The following DNTT variants were observed in gnomAD, a reference collection of about 807,000 sequenced individuals.
The protein encoded by DNTT is nucleosidetriphosphate:DNA deoxynucleotidylexotransferase.
A neutral mutation model predicts 60.9 loss-of-function variants in DNTT; 47 were observed. That is an observed-to-expected ratio of 0.77 (90% CI 0.61 to 0.98). The LOEUF is 0.98. Among genes scored for constraint, DNTT ranks in the 50% least tolerant of loss-of-function variants. The pLI is 0.00. For missense variants in DNTT, 665 were observed against 627.5 expected, an observed-to-expected ratio of 1.06 and a Z score of -0.64; for synonymous variants, 224 against 221.2, an observed-to-expected ratio of 1.01 and a Z score of -0.11.
chr10:96,309,122 C>T (rs1477462012), intron 1 of DNTT, among the ~76,000 whole-genome samples: 3 of 152,140 alleles, frequency 2.0e-5, no homozygotes, highest in Non-Finnish European at 2.9e-5. Flanking sequence ...TCTACCTAGC[C>T]GTTTAACACT....
intron 1 of DNTT, among the ~76,000 whole-genome samples, chr10:96,315,455 G>A (rs2133985951): frequency 6.6e-6 from 1 of 152,136 alleles, no homozygotes; most frequent in Admixed American, 6.5e-5. Context: ...TTTGCTAGTT[G>A]CTTATTGAAC....
intron 2 of DNTT, 24 bp from the exon 3 acceptor site, chr10:96,319,238 A>G (rs769996009): frequency 5.0e-6 from 8 of 1,608,554 alleles, no homozygotes; most frequent in Non-Finnish European, 5.9e-6. Flanking sequence ...TTTATTGAAA[A>G]TGGATGCTTA....
At chr10:96,311,327 A>G (rs1844711531) in intron 1 of DNTT, among the ~76,000 whole-genome samples, 1 of 152,234 alleles carries the variant, frequency 6.6e-6, no homozygotes, top group Non-Finnish European at 1.5e-5. Flanking sequence ...AGAAGACAGC[A>G]GGTGACCATC....
At chr10:96,318,599 C>T in intron 2 of DNTT, 73 bp downstream of exon 2, 1 of 1,529,332 alleles carries the variant, frequency 6.5e-7, no homozygotes. Flanking sequence ...ATCAACGGAG[C>T]TGGGGTAAAC....
At chr10:96,330,737 A>G (rs2133994276) in intron 8 of DNTT, among the ~76,000 whole-genome samples, 1 of 152,336 alleles carries the variant, frequency 6.6e-6, no homozygotes, top group African/African-American at 2.4e-5. Context: ...ATGATGCTCA[A>G]AGTGTGGTCC....
In DNTT at chr10:96,327,462, T is replaced by C. The variant is rs759435554; in HGVS notation, c.875-6T>C. 1.9e-6 allele frequency: 3 copies of C among 1,614,052 alleles called. No homozygotes were observed. The African/African-American group carries it at 4.0e-5, about 22-fold the overall frequency. On this transcript the variant is annotated splice_region_variant and splice_polypyrimidine_tract_variant and intron_variant, in intron 6 of 10. Coordinates refer to ENST00000371174, the MANE Select transcript of DNTT (RefSeq NM_004088.4). ...CTCTCCATTGACCTGTCAAATGGCCTCTCAGGATTTCTGTATTATGAAGAC... is the reference window on the plus strand; with the variant it reads ...CTCTCCATTGACCTGTCAAATGGCCCCTCAGGATTTCTGTATTATGAAGAC...
In DNTT at chr10:96,324,412, C is replaced by T. The variant is rs747525792; in HGVS notation, c.874+23C>T. 8 of 1,612,834 alleles carry T rather than the reference C, an allele frequency of 5.0e-6. No individual in the cohort carries two copies. In the East Asian group the frequency reaches 1.8e-4, roughly 36 times the overall value. On this transcript the variant is annotated intron_variant, in intron 6 of 10. Transcript: ENST00000371174. ...CAGGTAAATTGTCTCTCCTAAAAGT[C>T]ATTGTTGCTATGGGCTGGTCGGGTC...
At chr10:96,307,838 C>T (rs1230530632) in intron 1 of DNTT, among the ~76,000 whole-genome samples, 12 of 145,880 alleles carry the variant, frequency 8.2e-5, no homozygotes, top group Non-Finnish European at 1.3e-4. Context: ...GTGGTGCCAT[C>T]TCGGCTCACT....
intron 6 of DNTT, among the ~76,000 whole-genome samples, chr10:96,325,527 G>A (rs538320839): frequency 1.3e-5 from 2 of 152,316 alleles, no homozygotes; most frequent in South Asian, 2.1e-4. Flanking sequence ...ATCAAATGAC[G>A]TCCAGTGCTC....
rs138855986 is a variant in DNTT, at chr10:96,324,758, G to T, written c.874+369G>T. On this transcript the variant is annotated intron_variant, in intron 6 of 10. Coordinates refer to ENST00000371174, the MANE Select transcript of DNTT (RefSeq NM_004088.4). ...CAAGCCAGGTTGTGCTGCTGATCTG[G>T]TCCTTACTGACTCTTCCGGACATTG... Among the ~76,000 whole-genome samples, 11 of 152,298 alleles carry T rather than the reference G, an allele frequency of 7.2e-5. No individual in the cohort carries two copies. In the East Asian group the frequency reaches 1.5e-3, roughly 21 times the overall value.
rs762846543 is a variant in DNTT at position 96,324,329 on chromosome 10, A to G, written c.814A>G (p.Arg272Gly). 6.2e-7 allele frequency: 1 copy of G among 1,613,734 alleles called. No individual in the cohort carries two copies. Among genetic ancestry groups the G allele is most frequent in the East Asian group, 2.2e-5 (1 of 44,876 alleles). ...TSEKWFRMGF[R>G]TLSKVRSDKS... ...TGAGAAGTGGTTCAGGATGGGTTTC[A>G]GAACTCTGAGTAAAGTAAGGTCGGA... Residue 272 changes from arginine to glycine, a missense_variant, in exon 6 of 11, where the codon AGA becomes GGA. Arg to Gly is a moderately radical substitution (Grantham distance 125). Transcript: ENST00000371174.
intron 8 of DNTT, among the ~76,000 whole-genome samples, chr10:96,330,505 C>T (rs1244542265): frequency 6.6e-6 from 1 of 152,126 alleles, no homozygotes; most frequent in East Asian, 1.9e-4. Context: ...GCTGGTGATT[C>T]GAGGTTAACT....
chr10:96,335,990 TA>T lies in DNTT; in HGVS notation c.1443+20del. The T allele has an allele frequency of 6.2e-7, 1 of 1,613,590 alleles. No individual in the cohort carries two copies. Among genetic ancestry groups the T allele is most frequent in the Non-Finnish European group, 8.5e-7 (1 of 1,179,468 alleles). On this transcript the variant is annotated intron_variant, in intron 10 of 10. Transcript: ENST00000371174. ...CAAGACCAAGGTACAGTTCTCTTCC[TA>T]AAAGGGGCTACTTTGATCCTCATCC...
At chr10:96,324,699 C>T (rs1249166821) in intron 6 of DNTT, among the ~76,000 whole-genome samples, 1 of 152,246 alleles carries the variant, frequency 6.6e-6, no homozygotes, top group Non-Finnish European at 1.5e-5. Flanking sequence ...AGGCGCCCTC[C>T]ACTGTGGCTG....
At chr10:96,337,614 C>CT (rs1230566504) in intron 10 of DNTT, among the ~76,000 whole-genome samples, 1 of 152,224 alleles carries the variant, frequency 6.6e-6, no homozygotes, top group Non-Finnish European at 1.5e-5. Context: ...AGAAGAGCTG[C>CT]TTGGTCTTAA....
chr10:96,309,874 GTT>G (rs1564869146), intron 1 of DNTT, among the ~76,000 whole-genome samples: 1 of 152,194 alleles, frequency 6.6e-6, no homozygotes, highest in Non-Finnish European at 1.5e-5. Flanking sequence ...TCTTAAAGCA[GTT>G]ACTTTAGAAA....
At chr10:96,308,832 T>C (rs1356664978) in intron 1 of DNTT, among the ~76,000 whole-genome samples, 1 of 152,102 alleles carries the variant, frequency 6.6e-6, no homozygotes, top group African/African-American at 2.4e-5. Context: ...AAGAACCTTC[T>C]TAAGGGTGGG....
chr10:96,315,490 C>G (rs1005342935), intron 1 of DNTT, among the ~76,000 whole-genome samples: 3 of 151,870 alleles, frequency 2.0e-5, no homozygotes, highest in Non-Finnish European at 4.4e-5. Context: ...TAAATCAGAG[C>G]CTTCCTTCAT....
At chr10:96,324,183 G>A in intron 5 of DNTT, 83 bp from the exon 6 acceptor site, 1 of 1,479,436 alleles carries the variant, frequency 6.8e-7, no homozygotes, top group South Asian at 1.5e-5. Context: ...TTTCTTCATT[G>A]CCTGAGACCT....
Sources: gnomAD v4.1 joint callset for allele counts (sites outside exome capture counted in the v4.1 genomes callset) on GRCh38, gnomAD v4.1.1 for gene constraint, MANE v1.5 for transcripts, NCBI Gene and HGNC (gene_info 2026-07-23, HGNC 2026-07-21) for gene names.